Variants in FER observed in about 807,000 individuals in gnomAD.
FER encodes FER tyrosine kinase.
Under a neutral mutation model 111.0 loss-of-function variants are expected in FER, and 63 were observed. That is an observed-to-expected ratio of 0.57 (90% CI 0.46 to 0.70). The LOEUF (loss-of-function observed/expected upper bound fraction) is 0.70. FER is among the 30% of genes least tolerant of loss of function. FER has a pLI of 0.00. For synonymous variants in FER, 327 were observed against 313.9 expected, an observed-to-expected ratio of 1.04 and a Z score of -0.44; for missense variants, 914 against 954.0, an observed-to-expected ratio of 0.96 and a Z score of 0.55.
intron 17 of FER, among the ~76,000 whole-genome samples, chr5:109,146,208 T>TCTA (rs1554148239): frequency 0.16 from 14,378 of 87,782 alleles, 1,901 homozygotes; most frequent in Middle Eastern, 0.24. Flanking sequence ...AATCTATCTA[T>TCTA]TTTATATATA....
intron 16 of FER, among the ~76,000 whole-genome samples, chr5:109,078,373 G>A (rs901518943): frequency 3.3e-5 from 5 of 152,166 alleles, no homozygotes; most frequent in South Asian, 4.1e-4. Flanking sequence ...TAAAATCTGC[G>A]TGGCTAATTT....
chr5:108,841,486 A>G (rs1761260871), intron 5 of FER, among the ~76,000 whole-genome samples: 1 of 152,170 alleles, frequency 6.6e-6, no homozygotes, highest in Non-Finnish European at 1.5e-5. Context: ...ATACTCTGAG[A>G]TTTATCTCTT....
intron 13 of FER, among the ~76,000 whole-genome samples, chr5:109,012,170 G>A (rs1474413976): frequency 6.6e-6 from 1 of 152,230 alleles, no homozygotes. Flanking sequence ...CTTGGAGGTA[G>A]ACTGTGTATT....
chr5:109,101,974 TTTAA>T (rs1748285309), intron 17 of FER, among the ~76,000 whole-genome samples: 1 of 152,154 alleles, frequency 6.6e-6, no homozygotes, highest in Non-Finnish European at 1.5e-5. Flanking sequence ...TGAAACTTTT[TTTAA>T]TTTGTCAGTT....
intron 1 of FER, among the ~76,000 whole-genome samples, chr5:108,766,102 A>G (rs1163818572): frequency 2.0e-5 from 3 of 152,008 alleles, no homozygotes; most frequent in South Asian, 2.1e-4. Flanking sequence ...GCTAATTTAT[A>G]TAATTTTTTT....
At chr5:109,000,333 G>A (rs1375035844) in intron 13 of FER, among the ~76,000 whole-genome samples, 1 of 151,370 alleles carries the variant, frequency 6.6e-6, no homozygotes, top group African/African-American at 2.4e-5. Flanking sequence ...TTTGTTCTAA[G>A]AAAAACAAAC....
chr5:108,869,390 A>G (rs1196874502), intron 6 of FER, among the ~76,000 whole-genome samples: 1 of 152,130 alleles, frequency 6.6e-6, no homozygotes, highest in Non-Finnish European at 1.5e-5. Context: ...TAGTGATTTG[A>G]AGAATGTACC....
intron 17 of FER, among the ~76,000 whole-genome samples, chr5:109,104,612 G>A (rs752466103): frequency 7.2e-5 from 11 of 152,074 alleles, no homozygotes; most frequent in Non-Finnish European, 1.2e-4. Flanking sequence ...TTGTAAGAGA[G>A]AGCTTGACTT....
At chr5:108,964,599 C>T (rs1000015184) in intron 13 of FER, among the ~76,000 whole-genome samples, 1 of 152,006 alleles carries the variant, frequency 6.6e-6, no homozygotes, top group Admixed American at 6.6e-5. Context: ...GGGAGATGAG[C>T]GCAGATTTGG....
chr5:109,051,324 G>C, intron 16 of FER: 1 of 1,591,164 alleles, frequency 6.3e-7, no homozygotes, highest in Non-Finnish European at 8.6e-7. Context: ...AGATCTCCAG[G>C]TCATCAGGCT....
intron 17 of FER, among the ~76,000 whole-genome samples, chr5:109,119,506 C>G (rs1193604879): frequency 1.3e-5 from 2 of 152,120 alleles, no homozygotes; most frequent in African/African-American, 4.8e-5. Flanking sequence ...GTGGAGAGTT[C>G]TGTAGATGTC....
chr5:109,126,422 C>T (rs1276283939), intron 17 of FER, among the ~76,000 whole-genome samples: 1 of 152,178 alleles, frequency 6.6e-6, no homozygotes, highest in Non-Finnish European at 1.5e-5. Context: ...GGAGCCACTA[C>T]ACAGAAAGTT....
rs535623303 is a variant in FER at position 108,782,717 on chromosome 5, A to G, written c.-60+14479A>G. 5 of 152,266 alleles carry G rather than the reference A, an allele frequency of 3.3e-5. No homozygotes were observed. The South Asian group carries it at 1.0e-3, about 32-fold the overall frequency. 9.4% of individuals were successfully genotyped at this position (152,266 alleles called of 1,614,324 possible). ...GATCTTGAACTCCTGGGCTCAAGCA[A>G]TATGCCTGCTTTGGCCTCTCAGAGT... On this transcript the variant is annotated intron_variant, in intron 2 of 19. Transcript: ENST00000281092.
intron 11 of FER, among the ~76,000 whole-genome samples, chr5:108,950,848 A>G (rs2149641292): frequency 6.6e-6 from 1 of 152,266 alleles, no homozygotes; most frequent in South Asian, 2.1e-4. Context: ...AATTTTTACT[A>G]CCACCAGGCA....
intron 17 of FER, among the ~76,000 whole-genome samples, chr5:109,106,503 A>G (rs1748952819): frequency 6.6e-6 from 1 of 151,796 alleles, no homozygotes; most frequent in African/African-American, 2.4e-5. Flanking sequence ...TTGATTTACA[A>G]TTTTGAATAT....
chr5:109,116,165 A>G (rs75738894), intron 17 of FER, among the ~76,000 whole-genome samples: 2,776 of 152,134 alleles, frequency 0.018, 76 homozygotes, highest in African/African-American at 0.063. Context: ...ACCTTGCTCT[A>G]ATGGTAGCAG....
At chr5:108,845,067 T>TATATATATATAC (rs1486282738) in intron 5 of FER, among the ~76,000 whole-genome samples, 1 of 53,888 alleles carries the variant, frequency 1.9e-5, no homozygotes, top group African/African-American at 7.5e-5. Context: ...TATATATATA[T>TATATATATATAC]ACACACACAC....
rs372162740 is a variant in FER at position 109,141,255 on chromosome 5, ATATTT to A, written c.2049-39483_2049-39479del. Among the ~76,000 whole-genome samples, 7 of 152,336 alleles carry A rather than the reference ATATTT, an allele frequency of 4.6e-5. 1 individual carries two copies. The highest frequency in any genetic ancestry group is 1.3e-4 in the Admixed American group (2 of 15,296). On this transcript the variant is annotated intron_variant, in intron 17 of 19. Coordinates refer to ENST00000281092, the MANE Select transcript of FER (RefSeq NM_005246.4). ...CAATTTTTTATAAGCCATGTTAACA[ATATTT>A]TATTTTATCATGAATATCTGAAATA...
intron 1 of FER, among the ~76,000 whole-genome samples, chr5:108,750,554 G>A (rs1334132874): frequency 6.6e-6 from 1 of 152,178 alleles, no homozygotes; most frequent in African/African-American, 2.4e-5. Context: ...TGCATTGATT[G>A]TTGACAGCAT....
Sources: gnomAD v4.1 joint callset for allele counts (sites outside exome capture counted in the v4.1 genomes callset) on GRCh38, gnomAD v4.1.1 for gene constraint, MANE v1.5 for transcripts, NCBI Gene and HGNC (gene_info 2026-07-23, HGNC 2026-07-21) for gene names.